AGTPBP1: variants seen among roughly 807,000 people sequenced by gnomAD.
AGTPBP1 encodes cytosolic carboxypeptidase 1.
In AGTPBP1, 70 loss-of-function variants were observed where a neutral mutation model predicts 143.9. The ratio of observed to expected loss-of-function variants is 0.49; its 90% confidence interval spans 0.40 to 0.59. AGTPBP1 has a LOEUF of 0.59. Among genes scored for constraint, AGTPBP1 ranks in the 20% least tolerant of loss-of-function variants. AGTPBP1 has a pLI of 0.00. For missense variants in AGTPBP1, 1,229 were observed against 1,464.5 expected, an observed-to-expected ratio of 0.84 and a Z score of 2.62; for synonymous variants, 463 against 500.2, an observed-to-expected ratio of 0.93 and a Z score of 0.99.
At chr9:85,557,547 T>C (rs1330282848) in intron 25 of AGTPBP1, among the ~76,000 whole-genome samples, 1 of 152,208 alleles carries the variant, frequency 6.6e-6, no homozygotes, top group African/African-American at 2.4e-5. Context: ...TTCCCAGAAA[T>C]GCAAACCAGA....
chr9:85,719,684 C>G (rs567349079), intron 1 of AGTPBP1, among the ~76,000 whole-genome samples: 2 of 152,356 alleles, frequency 1.3e-5, no homozygotes, highest in South Asian at 4.1e-4. Context: ...CTGGCCAGAA[C>G]TTTCAACACT....
intron 4 of AGTPBP1, 152 bp downstream of exon 4, chr9:85,681,116 C>T: frequency 2.9e-6 from 2 of 689,434 alleles, no homozygotes; most frequent in Non-Finnish European, 4.7e-6. Context: ...CTGGCTTTAC[C>T]TCTAAAACAA....
chr9:85,733,180 C>T (rs1236549474), intron 1 of AGTPBP1, among the ~76,000 whole-genome samples: 1 of 152,106 alleles, frequency 6.6e-6, no homozygotes, highest in Non-Finnish European at 1.5e-5. Context: ...AATATAAATT[C>T]CTCTCAAGTG....
At chr9:85,786,218 G>C in the AGTPBP1 span, 1 of 1,598,664 alleles carries the variant, frequency 6.3e-7, no homozygotes, top group East Asian at 2.2e-5. Flanking sequence ...GAAATGGACA[G>C]TTCAGCAAGC....
chr9:85,734,002 C>G (rs1839056731), intron 1 of AGTPBP1, among the ~76,000 whole-genome samples: 1 of 152,124 alleles, frequency 6.6e-6, no homozygotes, highest in Admixed American at 6.5e-5. Context: ...GCCTGTAATC[C>G]CAGCACTTTG....
intron 2 of AGTPBP1, among the ~76,000 whole-genome samples, chr9:85,698,624 G>A (rs17429447): frequency 0.049 from 7,041 of 143,126 alleles, 228 homozygotes; most frequent in Non-Finnish European, 0.075. Context: ...CTGCAAAGCA[G>A]AGGAATGTTA....
At chr9:85,656,180 A>C (rs985896724) in intron 10 of AGTPBP1, among the ~76,000 whole-genome samples, 4 of 152,122 alleles carry the variant, frequency 2.6e-5, no homozygotes, top group African/African-American at 9.7e-5. Flanking sequence ...TAATCTGGAG[A>C]AGGGTTAAGG....
Position 85,633,099 on chromosome 9 carries a change from T to A in AGTPBP1, c.1578A>T (p.Leu526Phe), listed in dbSNP as rs1355907980. 6.2e-7 allele frequency: 1 copy of A among 1,614,078 alleles called. No individual in the cohort carries two copies. Among genetic ancestry groups the A allele is most frequent in the Non-Finnish European group, 8.5e-7 (1 of 1,180,026 alleles). ...CCAAGGCCTTTACAATATCATTGTT[T>A]AAACCATGGACTGATGAAATAGTTC... ...QNRTISSVHG[L>F]NNDIVKALDR... The change falls in exon 14 of 26, where the codon TTA (leucine) becomes TTT (phenylalanine). Residue 526 changes from leucine (L) to phenylalanine (F), a missense_variant. Leu to Phe is a conservative substitution (Grantham distance 22). This residue lies in a region of AGTPBP1 where 743 missense variants were observed against 812.2 expected (regional missense o/e 0.91). Transcript: ENST00000357081.
At chr9:85,575,129 C>T (rs1190125894) in intron 25 of AGTPBP1, among the ~76,000 whole-genome samples, 186 bp downstream of exon 25, 1 of 152,136 alleles carries the variant, frequency 6.6e-6, no homozygotes, top group East Asian at 1.9e-4. Flanking sequence ...TTATTAAAAT[C>T]TCATCCAAAT....
chr9:85,661,499 T>C (rs1366434636), intron 8 of AGTPBP1, among the ~76,000 whole-genome samples: 2 of 152,108 alleles, frequency 1.3e-5, no homozygotes, highest in South Asian at 2.1e-4. Flanking sequence ...ACTTGAAGGT[T>C]GGGGAGAAGT....
At chr9:85,737,278 G>T (rs564269098) in intron 1 of AGTPBP1, among the ~76,000 whole-genome samples, 1 of 152,250 alleles carries the variant, frequency 6.6e-6, no homozygotes, top group Non-Finnish European at 1.5e-5. Flanking sequence ...TCAAAGTAAA[G>T]TGCTTCTGTA....
chr9:85,696,806 T>A (rs1442744005), intron 2 of AGTPBP1, among the ~76,000 whole-genome samples: 3 of 152,242 alleles, frequency 2.0e-5, no homozygotes, highest in Non-Finnish European at 4.4e-5. Context: ...CGGATTTTAA[T>A]GTAACAGAGT....
intron 17 of AGTPBP1, among the ~76,000 whole-genome samples, chr9:85,618,001 A>G (rs1830691485): frequency 6.6e-6 from 1 of 152,196 alleles, no homozygotes; most frequent in Non-Finnish European, 1.5e-5. Flanking sequence ...GCACTTTGGG[A>G]AGCCAAGGTG....
chr9:85,617,944 G>A (rs1587746874), intron 17 of AGTPBP1, among the ~76,000 whole-genome samples: 1 of 152,100 alleles, frequency 6.6e-6, no homozygotes, highest in African/African-American at 2.4e-5. Flanking sequence ...AACTATTCAA[G>A]AAATTAAATT....
At chr9:85,617,929 C>A (rs1005631138) in intron 17 of AGTPBP1, among the ~76,000 whole-genome samples, 3 of 151,990 alleles carry the variant, frequency 2.0e-5, no homozygotes, top group Non-Finnish European at 4.4e-5. Flanking sequence ...TTTGAATAGC[C>A]CTAAAACTAT....
intron 23 of AGTPBP1, among the ~76,000 whole-genome samples, chr9:85,580,252 AG>A (rs1158484827): frequency 1.3e-5 from 2 of 151,622 alleles, no homozygotes; most frequent in Non-Finnish European, 2.9e-5. Flanking sequence ...AAAAAAAAAA[AG>A]AACTCTCTCT....
At chr9:85,683,199 A>G (rs1835296515) in intron 3 of AGTPBP1, among the ~76,000 whole-genome samples, 1 of 152,186 alleles carries the variant, frequency 6.6e-6, no homozygotes, top group African/African-American at 2.4e-5. Context: ...AAACTCATTA[A>G]TGAGAGTAAA....
intron 2 of AGTPBP1, among the ~76,000 whole-genome samples, chr9:85,703,807 G>A (rs908066760): frequency 6.6e-6 from 1 of 152,190 alleles, no homozygotes; most frequent in East Asian, 1.9e-4. Context: ...GTTAAAAGGA[G>A]AAAAAGTTTA....
intron 25 of AGTPBP1, chr9:85,553,914 A>G (rs1826177727): frequency 6.6e-6 from 1 of 152,206 alleles, no homozygotes; most frequent in Non-Finnish European, 1.5e-5. Flanking sequence ...ACACATCCAT[A>G]AAAGGATCAT....
Sources: gnomAD v4.1 joint callset for allele counts (sites outside exome capture counted in the v4.1 genomes callset) on GRCh38, gnomAD v4.1.1 for gene constraint, gnomAD v4.1.1 regional missense constraint, MANE v1.5 for transcripts, NCBI Gene and HGNC (gene_info 2026-07-23, HGNC 2026-07-21) for gene names.